ZMIZ1: variants seen among roughly 807,000 people sequenced by gnomAD.
The protein encoded by ZMIZ1 is zinc finger MIZ domain-containing protein 1.
ZMIZ1 carries 17 observed loss-of-function variants against 113.9 expected under a neutral mutation model. That is an observed-to-expected ratio of 0.15 (90% CI 0.10 to 0.22). The LOEUF (loss-of-function observed/expected upper bound fraction) is 0.22, where lower values mean the gene tolerates loss of function less well. Ranked by LOEUF, ZMIZ1 falls within the 10% of genes least tolerant of loss-of-function variation. ZMIZ1 has a pLI of 1.00. For synonymous variants in ZMIZ1, 607 were observed against 603.1 expected (o/e 1.01, Z -0.09); for missense variants, 1,059 against 1,477.8 (o/e 0.72, Z 4.65).
At chr10:79,157,608 T>C (rs1468019951) in intron 3 of ZMIZ1, among the ~76,000 whole-genome samples, 5 of 152,152 alleles carry the variant, frequency 3.3e-5, no homozygotes, top group African/African-American at 7.2e-5. Flanking sequence ...GATTTAGGGC[T>C]GCTTCATCCT....
chr10:79,297,087 G>A (rs2132051453), intron 13 of ZMIZ1, among the ~76,000 whole-genome samples: 1 of 152,266 alleles, frequency 6.6e-6, no homozygotes, highest in East Asian at 1.9e-4. Context: ...GATACTTACT[G>A]CTACTAGAGC....
At chr10:79,201,498 T>A in intron 4 of ZMIZ1, 86 bp from the exon 5 acceptor site, 2 of 961,186 alleles carry the variant, frequency 2.1e-6, no homozygotes, top group South Asian at 3.0e-5. Flanking sequence ...AACCTGCCAG[T>A]GTTGTGGCCA....
chr10:79,258,926 G>A (rs536834952), intron 7 of ZMIZ1, among the ~76,000 whole-genome samples: 1 of 152,322 alleles, frequency 6.6e-6, no homozygotes, highest in African/African-American at 2.4e-5. Flanking sequence ...ATGTGGGGAG[G>A]GCAGAGCCAG....
intron 4 of ZMIZ1, among the ~76,000 whole-genome samples, chr10:79,165,974 G>GGGCTCTTCC (rs1564692823): frequency 2.2e-5 from 3 of 136,950 alleles, no homozygotes; most frequent in African/African-American, 8.4e-5. Context: ...GTGTGTGTGT[G>GGGCTCTTCC]TGTGTGTGTG....
chr10:79,250,198 G>A (rs952976065), intron 7 of ZMIZ1, among the ~76,000 whole-genome samples: 1 of 152,200 alleles, frequency 6.6e-6, no homozygotes, highest in African/African-American at 2.4e-5. Flanking sequence ...TCCTGAGCCC[G>A]AGACTGGGTT....
intron 1 of ZMIZ1, among the ~76,000 whole-genome samples, chr10:79,103,674 C>A (rs1039052073): frequency 6.6e-6 from 1 of 152,118 alleles, no homozygotes; most frequent in Non-Finnish European, 1.5e-5. Context: ...CCTGGGGGAG[C>A]AGCTGCATGG....
Position 79,314,129 on chromosome 10 carries a change from G to T in ZMIZ1, c.*1380G>T. 2.2e-6 allele frequency: 1 copy of T among 456,980 alleles called. No individual in the cohort carries two copies. Among genetic ancestry groups the T allele is most frequent in the Non-Finnish European group, 4.4e-6 (1 of 226,984 alleles). 28.3% of individuals were successfully genotyped at this position (456,980 alleles called of 1,614,324 possible). ...ACTCCTGCTCACTCAAGCAAAAGCA[G>T]CCTCTGGCCTTCCCTCCACCGCTTT... is the stretch of plus-strand genomic sequence containing the variant. On this transcript the variant is annotated 3_prime_UTR_variant, in exon 25 of 25. Transcript: ENST00000334512.
chr10:79,225,282 A>G (rs533723728), intron 7 of ZMIZ1, among the ~76,000 whole-genome samples: 1 of 152,162 alleles, frequency 6.6e-6, no homozygotes, highest in Non-Finnish European at 1.5e-5. Flanking sequence ...TCTTAAAGGA[A>G]ATTTTATATT....
At chr10:79,075,545 A>G (rs1842437922) in intron 1 of ZMIZ1, among the ~76,000 whole-genome samples, 1 of 152,084 alleles carries the variant, frequency 6.6e-6, no homozygotes, top group Non-Finnish European at 1.5e-5. Context: ...GTGTGTGCAC[A>G]CCTGCACACA....
At chr10:79,151,180 T>A (rs146333690) in intron 3 of ZMIZ1, among the ~76,000 whole-genome samples, 550 of 151,956 alleles carry the variant, frequency 3.6e-3, no homozygotes, top group African/African-American at 0.012. Context: ...GCCAAGCCCC[T>A]GCCATGGGGT....
intron 7 of ZMIZ1, among the ~76,000 whole-genome samples, chr10:79,259,238 A>C (rs1851106753): frequency 6.6e-6 from 1 of 152,038 alleles, no homozygotes; most frequent in Non-Finnish European, 1.5e-5. Flanking sequence ...GGGGCAGGGA[A>C]GGGGGGGCTG....
chr10:79,285,099 G>A (rs534404970), intron 8 of ZMIZ1, among the ~76,000 whole-genome samples: 55 of 152,268 alleles, frequency 3.6e-4, no homozygotes, highest in African/African-American at 1.3e-3. Flanking sequence ...AGAGGGGAGC[G>A]TTGCCTTGCT....
At chr10:79,164,995 C>G (rs567979495) in intron 4 of ZMIZ1, among the ~76,000 whole-genome samples, 1 of 152,010 alleles carries the variant, frequency 6.6e-6, no homozygotes, top group Non-Finnish European at 1.5e-5. Context: ...ATTGCATGGA[C>G]ATAGGGGCAC....
chr10:79,290,340 CCT>C (rs1853398846), intron 9 of ZMIZ1, among the ~76,000 whole-genome samples: 1 of 152,218 alleles, frequency 6.6e-6, no homozygotes, highest in East Asian at 1.9e-4. Flanking sequence ...CTCATTCCTT[CCT>C]CTCTCTTCCA....
intron 3 of ZMIZ1, among the ~76,000 whole-genome samples, chr10:79,158,150 G>A (rs1205375747): frequency 6.6e-6 from 1 of 152,188 alleles, no homozygotes; most frequent in Non-Finnish European, 1.5e-5. Context: ...TTAACTCCTT[G>A]GTGTCTGCAT....
intron 14 of ZMIZ1, among the ~76,000 whole-genome samples, 195 bp downstream of exon 14, chr10:79,297,885 G>T (rs1408802567): frequency 1.3e-5 from 2 of 152,136 alleles, no homozygotes. Context: ...GAGCCCCAGG[G>T]TAAAGTGTCA....
At chr10:79,198,538 G>T (rs1847936838) in intron 4 of ZMIZ1, among the ~76,000 whole-genome samples, 1 of 152,154 alleles carries the variant, frequency 6.6e-6, no homozygotes, top group Non-Finnish European at 1.5e-5. Context: ...TGGAGGGATG[G>T]TTGGCAGGGT....
intron 4 of ZMIZ1, among the ~76,000 whole-genome samples, chr10:79,188,627 C>T (rs1286088584): frequency 6.6e-6 from 1 of 151,406 alleles, no homozygotes; most frequent in Non-Finnish European, 1.5e-5. Context: ...GTCCCCCACC[C>T]CCCTAGTATC....
intron 15 of ZMIZ1, among the ~76,000 whole-genome samples, chr10:79,298,839 A>G (rs557192717): frequency 2.0e-5 from 3 of 152,324 alleles, no homozygotes; most frequent in Non-Finnish European, 4.4e-5. Context: ...CGGGTGGAAG[A>G]AGAGGGGATG....
Sources: allele counts gnomAD v4.1 joint callset (sites outside exome capture counted in the v4.1 genomes callset), GRCh38; gene constraint gnomAD v4.1.1; transcripts MANE v1.5; gene names NCBI Gene and HGNC (gene_info 2026-07-23, HGNC 2026-07-21).